ZNF385B: variants seen among roughly 807,000 people sequenced by gnomAD.
ZNF385B encodes zinc finger protein 385B.
In ZNF385B, 23 loss-of-function variants were observed where a neutral mutation model predicts 39.2. The observed-to-expected ratio is 0.59, with a 90% confidence interval of 0.42 to 0.83. ZNF385B has a LOEUF of 0.83. ZNF385B is among the 40% of genes least tolerant of loss of function. The pLI, the probability that ZNF385B is intolerant of heterozygous loss-of-function variation, is 0.00. For synonymous variants in ZNF385B, 205 were observed against 222.6 expected (o/e 0.92, Z 0.70); for missense variants, 552 against 598.9 (o/e 0.92, Z 0.82).
chr2:179,683,819 A>G lies in ZNF385B; in HGVS notation c.298+85684T>C, dbSNP rs1026765222. On this transcript the variant is annotated intron_variant, in intron 3 of 9. Transcript: ENST00000410066. ...ACAAAACTGCATTACTGTTACCATT[A>G]GAAAACATTTATGTTTGTTTGTTTG... is the stretch of plus-strand genomic sequence containing the variant. Among the ~76,000 whole-genome samples the G allele has an allele frequency of 5.3e-5, 8 of 152,294 alleles. No individual in the cohort carries two copies. The East Asian group carries it at 1.5e-3, about 29-fold the overall frequency.
intron 3 of ZNF385B, among the ~76,000 whole-genome samples, chr2:179,676,158 T>A (rs988058354): frequency 2.7e-5 from 4 of 147,434 alleles, no homozygotes; most frequent in Non-Finnish European, 4.5e-5. Flanking sequence ...GCACGATCTC[T>A]GCTCACTGCA....
intron 3 of ZNF385B, among the ~76,000 whole-genome samples, chr2:179,691,065 T>C (rs961848338): frequency 2.0e-5 from 3 of 152,152 alleles, no homozygotes; most frequent in African/African-American, 7.2e-5. Flanking sequence ...TTCCCTTTGG[T>C]GAAAAATGAG....
intron 3 of ZNF385B, chr2:179,585,861 T>G (rs2106051967): frequency 6.6e-6 from 1 of 152,422 alleles, no homozygotes; most frequent in Non-Finnish European, 1.5e-5. Flanking sequence ...ATGGTTTCCT[T>G]GCTCACCTTT....
intron 1 of ZNF385B, among the ~76,000 whole-genome samples, chr2:179,778,472 G>A (rs1243085482): frequency 2.0e-5 from 3 of 152,170 alleles, no homozygotes; most frequent in African/African-American, 7.2e-5. Context: ...CATTCTAGGG[G>A]TGGAAGGCAA....
At chr2:179,542,751 C>T (rs1299995904) in intron 4 of ZNF385B, among the ~76,000 whole-genome samples, 1 of 151,774 alleles carries the variant, frequency 6.6e-6, no homozygotes, top group East Asian at 1.9e-4. Flanking sequence ...CATATGATCG[C>T]AATTGTAAAA....
At chr2:179,701,614 C>T (rs903543474) in intron 3 of ZNF385B, among the ~76,000 whole-genome samples, 10 of 152,200 alleles carry the variant, frequency 6.6e-5, no homozygotes, top group Non-Finnish European at 1.0e-4. Flanking sequence ...ATTTTCCACA[C>T]GTGAGTTATT....
chr2:179,701,152 A>G lies in ZNF385B; in HGVS notation c.298+68351T>C, dbSNP rs73046843. Among the ~76,000 whole-genome samples the G allele has an allele frequency of 4.1e-3, 627 of 152,354 alleles. 3 individuals carry two copies. The highest frequency in any genetic ancestry group is 0.015 in the African/African-American group (608 of 41,594). ...TAATATTTTGTTAACATTGATAGAA[A>G]CTTTTATAAGTCATACACTTTGAAA... is the stretch of plus-strand genomic sequence containing the variant. On this transcript the variant is annotated intron_variant, in intron 3 of 9. Coordinates refer to ENST00000410066, the MANE Select transcript of ZNF385B (RefSeq NM_152520.6).
At chr2:179,751,053 ATCT>A (rs1702638968) in intron 3 of ZNF385B, among the ~76,000 whole-genome samples, 1 of 152,252 alleles carries the variant, frequency 6.6e-6, no homozygotes, top group East Asian at 1.9e-4. Flanking sequence ...CATTCCTGAT[ATCT>A]CTTAAAATGG....
chr2:179,724,030 G>C (rs1337504242), intron 3 of ZNF385B, among the ~76,000 whole-genome samples: 1 of 152,060 alleles, frequency 6.6e-6, no homozygotes, highest in Non-Finnish European at 1.5e-5. Context: ...GGCATTGGGT[G>C]GGGCACAGTG....
chr2:179,852,841 C>T (rs181820611), intron 1 of ZNF385B, among the ~76,000 whole-genome samples: 1 of 152,242 alleles, frequency 6.6e-6, no homozygotes, highest in African/African-American at 2.4e-5. Flanking sequence ...TAGCCAGTTC[C>T]CAGGTCTTCT....
At chr2:179,513,776 T>A (rs2057871766) in intron 5 of ZNF385B, among the ~76,000 whole-genome samples, 1 of 152,210 alleles carries the variant, frequency 6.6e-6, no homozygotes, top group East Asian at 1.9e-4. Context: ...TTGTAGAGAT[T>A]AGCAAAGTGC....
At chr2:179,485,833 C>T (rs1207701288) in intron 5 of ZNF385B, among the ~76,000 whole-genome samples, 1 of 152,080 alleles carries the variant, frequency 6.6e-6, no homozygotes, top group Non-Finnish European at 1.5e-5. Context: ...AGGTTTTGGA[C>T]ATATTAGTGA....
chr2:179,633,973 A>G (rs1691484304), intron 3 of ZNF385B, among the ~76,000 whole-genome samples: 1 of 152,224 alleles, frequency 6.6e-6, no homozygotes, highest in African/African-American at 2.4e-5. Context: ...TTCCCTATTT[A>G]ATAAATGGTG....
intron 6 of ZNF385B, among the ~76,000 whole-genome samples, chr2:179,455,453 TC>T: frequency 6.6e-6 from 1 of 152,174 alleles, no homozygotes; most frequent in African/African-American, 2.4e-5. Context: ...AAGAGTTTTT[TC>T]CCCCTTTTGC....
At chr2:179,693,109 A>G (rs1698473899) in intron 3 of ZNF385B, among the ~76,000 whole-genome samples, 1 of 152,162 alleles carries the variant, frequency 6.6e-6, no homozygotes. Flanking sequence ...GTCAGGCACA[A>G]TTTTTTCATA....
intron 1 of ZNF385B, among the ~76,000 whole-genome samples, chr2:179,797,094 T>C (rs527809695): frequency 1.3e-5 from 2 of 152,298 alleles, no homozygotes; most frequent in East Asian, 3.9e-4. Flanking sequence ...TTCTTCTTAA[T>C]ATAATAACTG....
At chr2:179,575,372 T>C (rs1191378566) in intron 3 of ZNF385B, among the ~76,000 whole-genome samples, 1 of 152,236 alleles carries the variant, frequency 6.6e-6, no homozygotes, top group Non-Finnish European at 1.5e-5. Flanking sequence ...ACTATAGTTA[T>C]AATGATCTGA....
intron 5 of ZNF385B, among the ~76,000 whole-genome samples, chr2:179,506,600 T>C (rs975001315): frequency 3.3e-5 from 5 of 152,156 alleles, no homozygotes; most frequent in Admixed American, 2.6e-4. Flanking sequence ...CTAATATACA[T>C]ATTTTTCTCC....
chr2:179,791,622 C>T (rs561126498), intron 1 of ZNF385B, among the ~76,000 whole-genome samples: 1 of 152,218 alleles, frequency 6.6e-6, no homozygotes, highest in Non-Finnish European at 1.5e-5. Flanking sequence ...TCAAGATAAG[C>T]AATATTTTAA....
Sources: allele counts gnomAD v4.1 joint callset (sites outside exome capture counted in the v4.1 genomes callset), GRCh38; gene constraint gnomAD v4.1.1; transcripts MANE v1.5; gene names NCBI Gene and HGNC (gene_info 2026-07-23, HGNC 2026-07-21).